Variants in TCF4 observed in about 807,000 individuals in gnomAD.
TCF4 encodes the protein SL3-3 enhancer factor 2.
A neutral mutation model predicts 82.1 loss-of-function variants in TCF4; 3 were observed. That is an observed-to-expected ratio of 0.04 (90% CI 0.02 to 0.09). TCF4 has a LOEUF of 0.09. Ranked by LOEUF, TCF4 falls within the 10% of genes least tolerant of loss-of-function variation. The pLI, the probability that TCF4 is intolerant of heterozygous loss-of-function variation, is 1.00. For missense variants in TCF4, 518 were observed against 852.7 expected, an observed-to-expected ratio of 0.61 and a Z score of 4.89; for synonymous variants, 276 against 309.6, an observed-to-expected ratio of 0.89 and a Z score of 1.14.
rs1354004628 is a variant in TCF4, at chr18:55,401,964, G to A, written c.369+1490C>T. 6.4e-6 allele frequency: 6 copies of A among 932,308 alleles called. No individual in the cohort carries two copies. In the African/African-American group the frequency reaches 8.9e-5, roughly 14 times the overall value. 57.8% of individuals were successfully genotyped at this position (932,308 alleles called of 1,614,324 possible). On this transcript the variant is annotated intron_variant, in intron 6 of 19. Transcript: ENST00000354452. The stretch of plus-strand genomic sequence containing the variant: ...TCAGAAACCAGACCCACAGGAACAC[G>A]GTCTTCTGCAGGAACTGAGAGCTTT...
At chr18:55,617,233 A>G (rs1026233620) in intron 2 of TCF4, among the ~76,000 whole-genome samples, 1 of 152,072 alleles carries the variant, frequency 6.6e-6, no homozygotes, top group Non-Finnish European at 1.5e-5. Context: ...CACCCTTGTT[A>G]AAGATCAGTT....
intron 5 of TCF4, 86 bp from the exon 6 acceptor site, chr18:55,403,604 C>G (rs770840174): frequency 6.8e-6 from 11 of 1,612,752 alleles, no homozygotes; most frequent in Non-Finnish European, 6.8e-6. Flanking sequence ...TACTGCTCTT[C>G]CCCGATGTTT....
chr18:55,432,823 C>T (rs1180222131), intron 5 of TCF4, among the ~76,000 whole-genome samples: 1 of 152,182 alleles, frequency 6.6e-6, no homozygotes, highest in African/African-American at 2.4e-5. Flanking sequence ...CAGCAGTGTG[C>T]TTGGCAAATA....
upstream of TCF4, among the ~76,000 whole-genome samples, chr18:55,591,740 C>T (rs1282137012): frequency 6.6e-6 from 1 of 152,170 alleles, no homozygotes; most frequent in Non-Finnish European, 1.5e-5. Flanking sequence ...TGGTCTCAAA[C>T]CCCTGACCTC....
intron 8 of TCF4, among the ~76,000 whole-genome samples, chr18:55,308,923 G>C (rs1028938571): frequency 3.3e-5 from 5 of 152,080 alleles, no homozygotes; most frequent in African/African-American, 1.2e-4. Flanking sequence ...CCATTTCCCA[G>C]GCCAGCACCT....
At chr18:55,281,539 T>C (rs1436254775) in intron 8 of TCF4, among the ~76,000 whole-genome samples, 2 of 152,108 alleles carry the variant, frequency 1.3e-5, no homozygotes, top group Non-Finnish European at 2.9e-5. Flanking sequence ...ATTATAAAAC[T>C]AAAAAGAATC....
chr18:55,306,251 T>C (rs2070294394), intron 8 of TCF4, among the ~76,000 whole-genome samples: 1 of 152,210 alleles, frequency 6.6e-6, no homozygotes, highest in Admixed American at 6.5e-5. Flanking sequence ...CAGGGTGTAG[T>C]ACTGTTTTCA....
In TCF4 at chr18:55,588,118, C is replaced by T. The variant is rs1282254795; in HGVS notation, c.-101G>A. On this transcript the variant is annotated 5_prime_UTR_variant, in exon 1 of 20. Transcript: ENST00000354452. The stretch of plus-strand genomic sequence containing the variant: ...TGTCTAACCGCCGCCGCCACCGCCG[C>T]CGCCTGCTCCTGCGCCCGCTCCCGC... 2 of 1,040,918 alleles carry T rather than the reference C, an allele frequency of 1.9e-6. No individual in the cohort carries two copies. The highest frequency in any genetic ancestry group is 2.3e-6 in the Non-Finnish European group (2 of 871,470). The allele number at this position is 1,040,918 out of a possible 1,614,324, so 64.5% of individuals were successfully genotyped here.
At chr18:55,498,847 T>C (rs898196030) in intron 3 of TCF4, among the ~76,000 whole-genome samples, 1 of 152,148 alleles carries the variant, frequency 6.6e-6, no homozygotes, top group African/African-American at 2.4e-5. Context: ...TCCTTGGTAA[T>C]GAGAATGTGA....
chr18:55,614,856 CTAGA>C (rs1156665358), intron 2 of TCF4, among the ~76,000 whole-genome samples: 1 of 152,156 alleles, frequency 6.6e-6, no homozygotes, highest in Non-Finnish European at 1.5e-5. Context: ...AGATTTTCTC[CTAGA>C]TATTCTGTCA....
At chr18:55,270,508 C>T (rs1005861640) in intron 10 of TCF4, among the ~76,000 whole-genome samples, 11 of 152,100 alleles carry the variant, frequency 7.2e-5, no homozygotes, top group Non-Finnish European at 1.5e-4. Flanking sequence ...TTAAAAAGCA[C>T]TAATGGTTAA....
intron 3 of TCF4, among the ~76,000 whole-genome samples, chr18:55,519,886 G>T (rs933519853): frequency 6.6e-6 from 1 of 152,164 alleles, no homozygotes; most frequent in African/African-American, 2.4e-5. Flanking sequence ...ACGAACTGTG[G>T]TTGCTAAATG....
chr18:55,287,605 G>C (rs1039554618), intron 8 of TCF4, among the ~76,000 whole-genome samples: 1 of 152,180 alleles, frequency 6.6e-6, no homozygotes, highest in Non-Finnish European at 1.5e-5. Flanking sequence ...AAAGGAGCAG[G>C]AGAGGCCTGA....
intron 3 of TCF4, among the ~76,000 whole-genome samples, chr18:55,552,735 C>T (rs1367430976): frequency 6.6e-6 from 1 of 152,206 alleles, no homozygotes; most frequent in Non-Finnish European, 1.5e-5. Context: ...AGCTGCAGAA[C>T]CCCCGGACTG....
intron 3 of TCF4, among the ~76,000 whole-genome samples, chr18:55,535,333 T>C (rs1364671784): frequency 6.6e-6 from 1 of 152,184 alleles, no homozygotes; most frequent in Non-Finnish European, 1.5e-5. Context: ...TGGGAAAACC[T>C]TAGCAGTCTT....
At chr18:55,361,710 G>A (rs2145200090) in intron 6 of TCF4, among the ~76,000 whole-genome samples, 1 of 152,342 alleles carries the variant, frequency 6.6e-6, no homozygotes, top group South Asian at 2.1e-4. Context: ...GGGAGGGAAT[G>A]TCCTCACTGT....
chr18:55,406,925 G>A (rs1303660902), intron 5 of TCF4, among the ~76,000 whole-genome samples: 2 of 152,242 alleles, frequency 1.3e-5, no homozygotes, highest in African/African-American at 4.8e-5. Context: ...AATGGTGGCA[G>A]TGCCAAGCCC....
At chr18:55,588,469 C>T, upstream of TCF4, 1 of 1,535,034 alleles carries the variant, frequency 6.5e-7, no homozygotes, top group Non-Finnish European at 8.7e-7. Flanking sequence ...TCATCGAGCA[C>T]CTCATTTTTC....
chr18:55,274,851 G>A (rs1292890335), intron 10 of TCF4, among the ~76,000 whole-genome samples: 1 of 152,100 alleles, frequency 6.6e-6, no homozygotes, highest in Non-Finnish European at 1.5e-5. Flanking sequence ...TGGATTCTGG[G>A]CTGTGGTGAT....
Sources: gnomAD v4.1 joint callset for allele counts (sites outside exome capture counted in the v4.1 genomes callset) on GRCh38, gnomAD v4.1.1 for gene constraint, MANE v1.5 for transcripts, NCBI Gene and HGNC (gene_info 2026-07-23, HGNC 2026-07-21) for gene names.